Variants in AGBL4 observed in about 807,000 individuals in gnomAD.
The protein encoded by AGBL4 is cytosolic carboxypeptidase 6.
Under a neutral mutation model 66.4 loss-of-function variants are expected in AGBL4, and 58 were observed. That is an observed-to-expected ratio of 0.87 (90% CI 0.71 to 1.09). AGBL4 has a LOEUF of 1.09. Ranked by LOEUF, AGBL4 falls within the 50% of genes least tolerant of loss-of-function variation. The pLI is 0.00. For missense variants in AGBL4, 579 were observed against 631.0 expected (o/e 0.92, Z 0.88); for synonymous variants, 234 against 222.9 (o/e 1.05, Z -0.44).
chr1:48,641,604 G>A (rs1261298994), intron 8 of AGBL4, among the ~76,000 whole-genome samples: 1 of 152,136 alleles, frequency 6.6e-6, no homozygotes, highest in Non-Finnish European at 1.5e-5. Context: ...TCAAAGACCT[G>A]AAAGTGCTGA....
At chr1:49,114,625 T>G (rs1457837555) in intron 4 of AGBL4, among the ~76,000 whole-genome samples, 1 of 152,192 alleles carries the variant, frequency 6.6e-6, no homozygotes, top group Non-Finnish European at 1.5e-5. Context: ...TTACTAAGAT[T>G]AATAATTTCT....
At chr1:49,318,141 T>C (rs1291423843) in intron 3 of AGBL4, among the ~76,000 whole-genome samples, 1 of 152,008 alleles carries the variant, frequency 6.6e-6, no homozygotes, top group East Asian at 1.9e-4. Flanking sequence ...AAATCTTGAC[T>C]TTTTATTTAA....
Position 48,669,744 on chromosome 1 carries a change from T to A in AGBL4, c.635-6503A>T, listed in dbSNP as rs1646246328. Among the ~76,000 whole-genome samples, 3 of 152,150 alleles carry A rather than the reference T, an allele frequency of 2.0e-5. No individual in the cohort carries two copies. In the South Asian group the frequency reaches 6.2e-4, roughly 32 times the overall value. ...GTCTGGACCCTCATCTGGTCATAAATCATTTGCTGCCTTGGTCAAGCAGGA... is the reference window on the plus strand; with the variant it reads ...GTCTGGACCCTCATCTGGTCATAAAACATTTGCTGCCTTGGTCAAGCAGGA... On this transcript the variant is annotated intron_variant, in intron 6 of 13. Transcript: ENST00000371839.
chr1:49,616,903 C>T lies in AGBL4; in HGVS notation c.282+80410G>A, dbSNP rs144543047. Among the ~76,000 whole-genome samples the T allele has an allele frequency of 1.0e-3, 156 of 152,236 alleles. 4 individuals are homozygous for T. In the South Asian group the frequency reaches 0.02, roughly 19 times the overall value. ...ACTCATCACCTCCACTGGTACTATC[C>T]GGTTCAAACCACCATAATCTCTTGT... On this transcript the variant is annotated intron_variant, in intron 3 of 13. Transcript: ENST00000371839.
intron 3 of AGBL4, among the ~76,000 whole-genome samples, chr1:49,451,395 CAG>C (rs2148682512): frequency 6.6e-6 from 1 of 152,086 alleles, no homozygotes; most frequent in East Asian, 1.9e-4. Flanking sequence ...AAAATAATCA[CAG>C]AGAGTGATTT....
Position 48,727,806 on chromosome 1 carries a change from G to A in AGBL4, c.635-64565C>T, listed in dbSNP as rs541655160. 8.7e-6 allele frequency: 12 copies of A among 1,377,106 alleles called. No individual in the cohort carries two copies. In the South Asian group the frequency reaches 1.5e-4, roughly 17 times the overall value. 85.3% of individuals were successfully genotyped at this position (1,377,106 alleles called of 1,614,324 possible). A position where few individuals can be genotyped will look rare whatever the true frequency, so the allele number is the denominator to read the frequency against. ...CACACACACCACCATGCACGGTGGG[G>A]TCTGATTTGGACGGCACCATCGCTC... On this transcript the variant is annotated intron_variant, in intron 6 of 13. Coordinates refer to ENST00000371839, the MANE Select transcript of AGBL4 (RefSeq NM_032785.4).
At chr1:48,665,197 A>G (rs1028483797) in intron 6 of AGBL4, among the ~76,000 whole-genome samples, 2 of 152,244 alleles carry the variant, frequency 1.3e-5, no homozygotes, top group African/African-American at 4.8e-5. Context: ...CACTCTGCTC[A>G]GCTCTGTGCT....
At chr1:49,861,644 T>C (rs1206342929) in intron 1 of AGBL4, among the ~76,000 whole-genome samples, 1 of 152,230 alleles carries the variant, frequency 6.6e-6, no homozygotes, top group African/African-American at 2.4e-5. Flanking sequence ...TATCTTGGAT[T>C]TGAGCTACCT....
intron 4 of AGBL4, among the ~76,000 whole-genome samples, chr1:49,216,759 G>T (rs181792225): frequency 6.6e-6 from 1 of 152,148 alleles, no homozygotes; most frequent in Admixed American, 6.6e-5. Flanking sequence ...AATTAAGTCA[G>T]TAAGGCTTTC....
Position 49,663,646 on chromosome 1 carries a change from CAT to C in AGBL4, c.282+33665_282+33666del, listed in dbSNP as rs974465918. ...ACAATTAGTGGTACCATAATTAACA[CAT>C]GTGGCCTCTGCAATACATAAATGAG... is the stretch of plus-strand genomic sequence containing the variant. On this transcript the variant is annotated intron_variant, in intron 3 of 13. Coordinates refer to ENST00000371839, the MANE Select transcript of AGBL4 (RefSeq NM_032785.4). Among the ~76,000 whole-genome samples, 5 of 152,130 alleles carry C rather than the reference CAT, an allele frequency of 3.3e-5. No homozygotes were observed. The East Asian group carries it at 7.7e-4, about 24-fold the overall frequency.
intron 3 of AGBL4, chr1:49,527,110 T>TG (rs1404844948): frequency 1.3e-5 from 2 of 152,232 alleles, no homozygotes; most frequent in Non-Finnish European, 2.9e-5. Flanking sequence ...AAACCTCTCC[T>TG]TGACTACCAG....
At chr1:49,165,932 C>A (rs1646626190) in intron 4 of AGBL4, among the ~76,000 whole-genome samples, 1 of 151,902 alleles carries the variant, frequency 6.6e-6, no homozygotes, top group Non-Finnish European at 1.5e-5. Flanking sequence ...TGTAACCAAC[C>A]ATGAATAGGA....
intron 2 of AGBL4, among the ~76,000 whole-genome samples, chr1:49,744,239 T>A (rs1259215455): frequency 6.6e-6 from 1 of 152,068 alleles, no homozygotes; most frequent in Non-Finnish European, 1.5e-5. Flanking sequence ...GTTCTCATGA[T>A]AGTGAGTGAA....
intron 3 of AGBL4, among the ~76,000 whole-genome samples, chr1:49,497,058 A>G (rs2148756094): frequency 6.6e-6 from 1 of 152,076 alleles, no homozygotes; most frequent in Non-Finnish European, 1.5e-5. Flanking sequence ...CTTTGTGGTA[A>G]TAGTCACTCC....
At chr1:49,296,450 A>G (rs1022356418) in intron 3 of AGBL4, among the ~76,000 whole-genome samples, 16 of 152,220 alleles carry the variant, frequency 1.1e-4, no homozygotes, top group African/African-American at 3.9e-4. Flanking sequence ...GGTATCATAG[A>G]AAAAGTTCCA....
chr1:48,746,434 G>A (rs1323839249), intron 6 of AGBL4, among the ~76,000 whole-genome samples: 1 of 152,168 alleles, frequency 6.6e-6, no homozygotes, highest in African/African-American at 2.4e-5. Flanking sequence ...CAAGGTTCAC[G>A]ACGGTCCCCT....
chr1:48,809,994 G>A (rs906346164), intron 6 of AGBL4, among the ~76,000 whole-genome samples: 1 of 152,126 alleles, frequency 6.6e-6, no homozygotes, highest in Admixed American at 6.5e-5. Context: ...GGAAATCTAA[G>A]GAGCTATAAA....
chr1:49,582,185 G>C (rs1400581262), intron 3 of AGBL4, among the ~76,000 whole-genome samples: 2 of 152,158 alleles, frequency 1.3e-5, no homozygotes, highest in African/African-American at 4.8e-5. Context: ...AAACTGATTG[G>C]AAGTTGACTG....
chr1:48,778,805 TAGAC>T (rs1433640533), intron 6 of AGBL4, among the ~76,000 whole-genome samples: 2 of 152,222 alleles, frequency 1.3e-5, no homozygotes, highest in Non-Finnish European at 2.9e-5. Flanking sequence ...CACTGTGAAA[TAGAC>T]AGTGCGTTAT....
Sources: gnomAD v4.1 joint callset for allele counts (sites outside exome capture counted in the v4.1 genomes callset) on GRCh38, gnomAD v4.1.1 for gene constraint, MANE v1.5 for transcripts, NCBI Gene and HGNC (gene_info 2026-07-23, HGNC 2026-07-21) for gene names.